Variants in MEGF9 observed in about 807,000 individuals in gnomAD.
MEGF9 encodes the protein multiple EGF like domains 9.
Under a neutral mutation model 46.8 loss-of-function variants are expected in MEGF9, and 6 were observed. That is an observed-to-expected ratio of 0.13 (90% CI 0.07 to 0.25). MEGF9 has a LOEUF of 0.25. Among genes scored for constraint, MEGF9 ranks in the 10% least tolerant of loss-of-function variants. The pLI is 1.00. For synonymous variants in MEGF9, 302 were observed against 330.7 expected (o/e 0.91, Z 0.94); for missense variants, 683 against 792.4 (o/e 0.86, Z 1.66).
At chr9:120,612,592 T>C (rs2043453993) in intron 3 of MEGF9, 53 bp from the exon 4 acceptor site, 2 of 1,513,608 alleles carry the variant, frequency 1.3e-6, no homozygotes, top group Non-Finnish European at 1.8e-6. Context: ...GAAAGCCAAG[T>C]AACTTTCAAA....
chr9:120,605,121 G>T lies in MEGF9; in HGVS notation c.*69C>A, dbSNP rs2043414565. On this transcript the variant is annotated 3_prime_UTR_variant, in exon 6 of 6. Coordinates refer to ENST00000373930, the MANE Select transcript of MEGF9 (RefSeq NM_001080497.3). This position sits in a 1 kb window ranked among gnomAD's most constrained non-coding sequence, Gnocchi z 4.0. ...TCTCAGCAAACTCTAGCCAGGCTTT[G>T]TCTGGCCCAGGGGCTGACTCTGTCT... 1 of 1,475,340 alleles carries T rather than the reference G, an allele frequency of 6.8e-7. No individual in the cohort carries two copies. Among genetic ancestry groups the T allele is most frequent in the Non-Finnish European group, 9.1e-7 (1 of 1,097,242 alleles). 91.4% of individuals were successfully genotyped at this position (1,475,340 alleles called of 1,614,324 possible). A position where few individuals can be genotyped will look rare whatever the true frequency, so the allele number is the denominator to read the frequency against.
chr9:120,662,853 T>C (rs1207048610), intron 1 of MEGF9, among the ~76,000 whole-genome samples: 2 of 152,220 alleles, frequency 1.3e-5, no homozygotes, highest in Non-Finnish European at 1.5e-5. Context: ...GAAACAGAAT[T>C]AGTGGGCTGT....
rs909429802 is a variant in MEGF9, at chr9:120,706,397, C to T, written c.601+7361G>A. Among the ~76,000 whole-genome samples, 33 of 152,136 alleles carry T rather than the reference C, an allele frequency of 2.2e-4. 1 individual carries two copies. The highest frequency in any genetic ancestry group is 8.0e-4 in the African/African-American group (33 of 41,488). ...CAAAAACCTAGGCACTTAGGTCAGG[C>T]ATAAGGTATGATAAATTTGGGGGGC... On this transcript the variant is annotated intron_variant, in intron 1 of 5. Transcript: ENST00000373930.
intron 1 of MEGF9, among the ~76,000 whole-genome samples, chr9:120,680,281 C>T (rs1035292121): frequency 6.6e-6 from 1 of 152,182 alleles, no homozygotes; most frequent in Non-Finnish European, 1.5e-5. Flanking sequence ...GTAGTCTCCA[C>T]AGTCTGGGCT....
chr9:120,714,085 C>G lies in MEGF9; in HGVS notation c.274G>C (p.Ala92Pro). The change falls in exon 1 of 6, where the codon GCT (alanine) becomes CCT (proline). Residue 92 changes from alanine (A) to proline (P), a missense_variant. Physicochemically the swap from Ala to Pro is conservative, Grantham distance 27. Around this residue, in one of 2 missense-constraint regions of MEGF9, gnomAD observed 370 missense variants for 371.3 expected, o/e 1.00. Coordinates refer to ENST00000373930, the MANE Select transcript of MEGF9 (RefSeq NM_001080497.3). ...PPRATVHRPL[A>P]ATSPAQSPET... is the part of the protein sequence containing the mutation. ...GGGGACTGGGCTGGAGAAGTCGCAG[C>G]CAGGGGTCGGTGGACGGTGGCGCGC... is the stretch of plus-strand genomic sequence containing the variant. 4.0e-6 allele frequency: 5 copies of G among 1,260,376 alleles called. No individual in the cohort carries two copies. The highest frequency in any genetic ancestry group is 2.2e-4 in the Middle Eastern group (1 of 4,650). The allele number at this position is 1,260,376 out of a possible 1,614,324, so 78.1% of individuals were successfully genotyped here. A position where few individuals can be genotyped will look rare whatever the true frequency, so the allele number is the denominator to read the frequency against.
rs1032257362 is a variant in MEGF9 at position 120,653,985 on chromosome 9, G to A, written c.803+5389C>T. On this transcript the variant is annotated intron_variant, in intron 2 of 5. Coordinates refer to ENST00000373930, the MANE Select transcript of MEGF9 (RefSeq NM_001080497.3). ...GCCCAGGAGTAGAAACAGCAACAAG[G>A]AGGTGTGACAGCATAGTCTGCTGCC... 2.0e-5 allele frequency among the ~76,000 whole-genome samples: 3 copies of A among 152,184 alleles called. No individual in the cohort carries two copies. The East Asian group carries it at 5.8e-4, about 29-fold the overall frequency.
rs959844874 is a variant in MEGF9 at position 120,605,724 on chromosome 9, G to A, written c.1358-83C>T. ...CAATAAAAGAAATACGCATGGGAGT[G>A]AATGTTGATGTAGGATGTTAACATG... On this transcript the variant is annotated intron_variant, in intron 5 of 5. Coordinates refer to ENST00000373930, the MANE Select transcript of MEGF9 (RefSeq NM_001080497.3). The surrounding 1 kb of genome is among the most constrained non-coding windows in gnomAD (Gnocchi z 4.0). 8.4e-6 allele frequency: 8 copies of A among 951,748 alleles called. No individual in the cohort carries two copies. The African/African-American group carries it at 1.0e-4, about 12-fold the overall frequency. The allele number at this position is 951,748 out of a possible 1,614,324, so 59.0% of individuals were successfully genotyped here. A position where few individuals can be genotyped will look rare whatever the true frequency, so the allele number is the denominator to read the frequency against.
In MEGF9 at chr9:120,622,762, A is replaced by G. The variant is rs1382477731; in HGVS notation, c.804-7T>C. ...GCACTGGCATTTCCCAGAACTGCAA[A>G]TAAAAGCAAAGACAATGAATAAAAG... On this transcript the variant is annotated splice_polypyrimidine_tract_variant and splice_region_variant and intron_variant, in intron 2 of 5. Transcript: ENST00000373930. 6.2e-7 allele frequency: 1 copy of G among 1,612,486 alleles called. No homozygotes were observed. Among genetic ancestry groups the G allele is most frequent in the Non-Finnish European group, 8.5e-7 (1 of 1,179,304 alleles).
chr9:120,654,037 G>A (rs114033260), intron 2 of MEGF9, among the ~76,000 whole-genome samples: 1,828 of 152,238 alleles, frequency 0.012, 29 homozygotes, highest in African/African-American at 0.042. Flanking sequence ...TTTTTAGGAC[G>A]GAGGCTGGGA....
chr9:120,694,477 C>T lies in MEGF9; in HGVS notation c.601+19281G>A, dbSNP rs118163648. Among the ~76,000 whole-genome samples the T allele has an allele frequency of 8.0e-3, 1,212 of 152,322 alleles. 9 individuals are homozygous for T. Among genetic ancestry groups the T allele is most frequent in the Non-Finnish European group, 0.012 (793 of 68,026 alleles). The stretch of plus-strand genomic sequence containing the variant: ...CTAATATTTAGAAGGCCAATTTATG[C>T]CAGGAATTCTAAGTGTTTTACATTT... On this transcript the variant is annotated intron_variant, in intron 1 of 5. Coordinates refer to ENST00000373930, the MANE Select transcript of MEGF9 (RefSeq NM_001080497.3).
chr9:120,704,615 A>G (rs2043920206), intron 1 of MEGF9, among the ~76,000 whole-genome samples: 1 of 152,246 alleles, frequency 6.6e-6, no homozygotes, highest in South Asian at 2.1e-4. Context: ...TCAAATCTGA[A>G]ACCCAACAAA....
intron 1 of MEGF9, among the ~76,000 whole-genome samples, chr9:120,709,806 T>G (rs2043944637): frequency 6.6e-6 from 1 of 152,078 alleles, no homozygotes; most frequent in South Asian, 2.1e-4. Flanking sequence ...CCCAGCACTT[T>G]GGGAGGCCGC....
chr9:120,632,284 T>C (rs1331631586), intron 2 of MEGF9, among the ~76,000 whole-genome samples: 3 of 152,084 alleles, frequency 2.0e-5, no homozygotes, highest in Non-Finnish European at 4.4e-5. Context: ...CAGTGTTTTA[T>C]AGTTTTCCTT....
chr9:120,649,110 T>C (rs2043638150), intron 2 of MEGF9, among the ~76,000 whole-genome samples: 3 of 152,238 alleles, frequency 2.0e-5, no homozygotes, highest in African/African-American at 7.2e-5. Flanking sequence ...GTAAATGCTA[T>C]GTAAATAATT....
Position 120,659,515 on chromosome 9 carries a change from G to A in MEGF9, c.662C>T (p.Thr221Ile). The change falls in exon 2 of 6, where the codon ACA (threonine) becomes ATA (isoleucine). Residue 221 changes from threonine to isoleucine, a missense_variant. This residue lies in a region of MEGF9 where 370 missense variants were observed against 371.3 expected (regional missense o/e 1.00). Coordinates refer to ENST00000373930, the MANE Select transcript of MEGF9 (RefSeq NM_001080497.3). ...ACCTGGCCGACACTCACACTGCCCT[G>A]TGGTCTGGTTGCAGCGATTCACATT... ...SLNVNRCNQT[T>I]GQCECRPGYQ... 1 of 1,613,710 alleles carries A rather than the reference G, an allele frequency of 6.2e-7. No individual in the cohort carries two copies. The highest frequency in any genetic ancestry group is 1.1e-5 in the South Asian group (1 of 91,028).
chr9:120,701,173 G>T (rs1219796434), intron 1 of MEGF9, among the ~76,000 whole-genome samples: 1 of 150,978 alleles, frequency 6.6e-6, no homozygotes, highest in Non-Finnish European at 1.5e-5. Context: ...TAGGAAATAT[G>T]ATATCCTCCT....
chr9:120,624,384 C>T (rs192666374), intron 2 of MEGF9, among the ~76,000 whole-genome samples: 175 of 152,164 alleles, frequency 1.2e-3, no homozygotes, highest in African/African-American at 4.0e-3. Flanking sequence ...TGCGCCACCA[C>T]ATCCGGCTAA....
rs1235021050 is a variant in MEGF9, at chr9:120,601,182, C to T, written c.*4008G>A. On this transcript the variant is annotated 3_prime_UTR_variant, in exon 6 of 6. Transcript: ENST00000373930. ...GCTTATGCCTAGCATTACAACTTGA[C>T]TTTAAATCATTTAGCTTTTGGACTA... The T allele has an allele frequency of 6.6e-6, 1 of 152,576 alleles. No homozygotes were observed. Among genetic ancestry groups the T allele is most frequent in the East Asian group, 1.9e-4 (1 of 5,204 alleles). The allele number at this position is 152,576 out of a possible 1,614,324, so 9.5% of individuals were successfully genotyped here.
Position 120,602,940 on chromosome 9 carries a change from A to T in MEGF9, c.*2250T>A, listed in dbSNP as rs2043404194. The T allele has an allele frequency of 6.6e-6, 1 of 152,138 alleles. No homozygotes were observed. Among genetic ancestry groups the T allele is most frequent in the Non-Finnish European group, 1.5e-5 (1 of 68,020 alleles). The allele number at this position is 152,138 out of a possible 1,614,324, so 9.4% of individuals were successfully genotyped here. On this transcript the variant is annotated 3_prime_UTR_variant, in exon 6 of 6. Coordinates refer to ENST00000373930, the MANE Select transcript of MEGF9 (RefSeq NM_001080497.3). Reference sequence around the variant, plus strand: ...GCACAAACTGGCAGTTTTGTTTTCTAATCACTAATACTAACTTCAGTTAGT... The same window carrying T: ...GCACAAACTGGCAGTTTTGTTTTCTTATCACTAATACTAACTTCAGTTAGT...
Sources: allele counts gnomAD v4.1 joint callset (sites outside exome capture counted in the v4.1 genomes callset), GRCh38; gene constraint gnomAD v4.1.1; regional missense constraint gnomAD v4.1.1; non-coding constraint Gnocchi (gnomAD v3.1); transcripts MANE v1.5; gene names NCBI Gene and HGNC (gene_info 2026-07-23, HGNC 2026-07-21).